The following CNTN4 variants were observed in gnomAD, a reference collection of about 807,000 sequenced individuals.
The protein encoded by CNTN4 is contactin 4.
In CNTN4, 77 loss-of-function variants were observed where a neutral mutation model predicts 122.5. That is an observed-to-expected ratio of 0.63 (90% CI 0.52 to 0.76). CNTN4 has a LOEUF of 0.76. CNTN4 is among the 30% of genes least tolerant of loss of function. The pLI, the probability that CNTN4 is intolerant of heterozygous loss-of-function variation, is 0.00. For synonymous variants in CNTN4, 512 were observed against 447.0 expected (o/e 1.15, Z -1.83); for missense variants, 1,256 against 1,259.1 (o/e 1.00, Z 0.04).
At chr3:2,148,421 G>C (rs574938399) in intron 2 of CNTN4, among the ~76,000 whole-genome samples, 12 of 151,868 alleles carry the variant, frequency 7.9e-5, no homozygotes, top group Non-Finnish European at 1.3e-4. Context: ...TGTAGTCCCA[G>C]CTACTCAGAT....
chr3:2,252,065 C>G (rs755240503), intron 2 of CNTN4, among the ~76,000 whole-genome samples: 3 of 151,890 alleles, frequency 2.0e-5, no homozygotes, highest in Non-Finnish European at 4.4e-5. Flanking sequence ...GTGATGATTT[C>G]TGCTCAAACT....
intron 16 of CNTN4, among the ~76,000 whole-genome samples, 198 bp from the exon 17 acceptor site, chr3:3,034,434 G>A (rs911840839): frequency 2.0e-5 from 3 of 152,186 alleles, no homozygotes; most frequent in Admixed American, 2.0e-4. Context: ...GGAAGGGGCT[G>A]TGTTTCATTC....
intron 4 of CNTN4, among the ~76,000 whole-genome samples, chr3:2,704,613 G>A (rs918618150): frequency 6.6e-6 from 1 of 152,076 alleles, no homozygotes; most frequent in Non-Finnish European, 1.5e-5. Context: ...TCTTGAACAG[G>A]CATCAGAATC....
intron 10 of CNTN4, among the ~76,000 whole-genome samples, chr3:2,899,611 TTATATC>T (rs2094151042): frequency 6.6e-6 from 1 of 152,174 alleles, no homozygotes; most frequent in Non-Finnish European, 1.5e-5. Context: ...AACATTGTCT[TTATATC>T]TATTGAAAAT....
intron 2 of CNTN4, among the ~76,000 whole-genome samples, chr3:2,157,051 T>C (rs1331053008): frequency 6.6e-6 from 1 of 152,252 alleles, no homozygotes; most frequent in Non-Finnish European, 1.5e-5. Flanking sequence ...GTTTACCAAA[T>C]AGATTTCATT....
intron 4 of CNTN4, among the ~76,000 whole-genome samples, chr3:2,710,635 A>G (rs1342192512): frequency 6.6e-6 from 1 of 152,070 alleles, no homozygotes; most frequent in Non-Finnish European, 1.5e-5. Flanking sequence ...CTAATTTTAG[A>G]TATGATTTTA....
intron 3 of CNTN4, among the ~76,000 whole-genome samples, chr3:2,546,398 A>T (rs928873110): frequency 1.3e-5 from 2 of 152,032 alleles, no homozygotes; most frequent in East Asian, 3.9e-4. Context: ...TCCTAATCAA[A>T]CTAATTGCAG....
intron 4 of CNTN4, among the ~76,000 whole-genome samples, chr3:2,705,404 C>A (rs1391299354): frequency 7.7e-6 from 1 of 130,248 alleles, no homozygotes; most frequent in African/African-American, 2.9e-5. Context: ...TGGTTAATAG[C>A]ACAGCCAGGT....
chr3:2,099,756 C>T (rs1323077580), intron 1 of CNTN4: 1 of 152,298 alleles, frequency 6.6e-6, no homozygotes, highest in East Asian at 1.9e-4. Flanking sequence ...ACAACCGCCC[C>T]GTCCCCTCCC....
intron 3 of CNTN4, among the ~76,000 whole-genome samples, chr3:2,371,855 G>T (rs1222067065): frequency 1.3e-5 from 2 of 152,214 alleles, no homozygotes; most frequent in African/African-American, 4.8e-5. Context: ...TCCTCTGGCA[G>T]GCAGTGATTG....
intron 12 of CNTN4, among the ~76,000 whole-genome samples, chr3:2,905,013 A>G (rs1284921763): frequency 6.6e-6 from 1 of 152,186 alleles, no homozygotes; most frequent in Non-Finnish European, 1.5e-5. Flanking sequence ...ATAGCTGAAA[A>G]TAACAGAATA....
intron 3 of CNTN4, among the ~76,000 whole-genome samples, chr3:2,378,746 T>A (rs2045913079): frequency 6.6e-6 from 1 of 152,126 alleles, no homozygotes; most frequent in Non-Finnish European, 1.5e-5. Flanking sequence ...CTTTTTTTTT[T>A]TGAAGAAGGA....
chr3:2,694,898 C>T (rs1282680655), intron 4 of CNTN4, among the ~76,000 whole-genome samples: 6 of 152,146 alleles, frequency 3.9e-5, no homozygotes, highest in Non-Finnish European at 8.8e-5. Flanking sequence ...TATACTTCAA[C>T]CCCTCTCTTA....
intron 3 of CNTN4, among the ~76,000 whole-genome samples, chr3:2,383,908 C>A (rs988359360): frequency 6.6e-6 from 1 of 152,084 alleles, no homozygotes; most frequent in Non-Finnish European, 1.5e-5. Flanking sequence ...TGTAAAGCCA[C>A]AAAATTATAA....
chr3:2,674,272 T>A (rs1246169866), intron 4 of CNTN4, among the ~76,000 whole-genome samples: 2 of 152,054 alleles, frequency 1.3e-5, no homozygotes, highest in East Asian at 3.8e-4. Context: ...ATCACGTTTT[T>A]TTTTATATTT....
At chr3:2,973,427 A>G (rs889314309) in intron 13 of CNTN4, among the ~76,000 whole-genome samples, 1 of 152,008 alleles carries the variant, frequency 6.6e-6, no homozygotes, top group Admixed American at 6.6e-5. Context: ...TGATTTCTCT[A>G]TTCAGTTTTG....
chr3:2,784,493 A>G (rs568667780), intron 6 of CNTN4, among the ~76,000 whole-genome samples: 1 of 152,318 alleles, frequency 6.6e-6, no homozygotes, highest in Non-Finnish European at 1.5e-5. Flanking sequence ...TCATACAACT[A>G]AGAAGTGGTA....
At chr3:2,452,998 G>C (rs560156826) in intron 3 of CNTN4, among the ~76,000 whole-genome samples, 1 of 152,100 alleles carries the variant, frequency 6.6e-6, no homozygotes, top group East Asian at 1.9e-4. Context: ...TTTGTTTCCT[G>C]ATTAGATCTT....
At chr3:2,126,768 C>T (rs1248921061) in intron 2 of CNTN4, among the ~76,000 whole-genome samples, 1 of 152,108 alleles carries the variant, frequency 6.6e-6, no homozygotes, top group East Asian at 1.9e-4. Context: ...CTTTGGCCTC[C>T]TTTGTGTGCA....
Sources: allele counts gnomAD v4.1 joint callset (sites outside exome capture counted in the v4.1 genomes callset), GRCh38; gene constraint gnomAD v4.1.1; transcripts MANE v1.5; gene names NCBI Gene and HGNC (gene_info 2026-07-23, HGNC 2026-07-21).